The following ATP2C2 variants were observed in gnomAD, a reference collection of about 807,000 sequenced individuals.
The protein encoded by ATP2C2 is calcium-transporting ATPase type 2C member 2.
A neutral mutation model predicts 110.8 loss-of-function variants in ATP2C2; 171 were observed. That is an observed-to-expected ratio of 1.54 (90% CI 1.36 to 1.75). The LOEUF is 1.75. Ranked by LOEUF, ATP2C2 falls within the 40% of genes most tolerant of loss-of-function variation. The pLI, the probability that ATP2C2 is intolerant of heterozygous loss-of-function variation, is 0.00. For synonymous variants in ATP2C2, 804 were observed against 508.4 expected (o/e 1.58, Z -7.82); for missense variants, 1,963 against 1,235.0 (o/e 1.59, Z -8.84).
chr16:84,381,679 C>T (rs1423404143), intron 1 of ATP2C2, among the ~76,000 whole-genome samples: 1 of 152,222 alleles, frequency 6.6e-6, no homozygotes, highest in East Asian at 1.9e-4. Context: ...TCCATGCTTC[C>T]ATATTCCTGC....
At chr16:84,404,944 C>T (rs761349169) in intron 2 of ATP2C2, 184 bp from the exon 3 acceptor site, 2 of 697,964 alleles carry the variant, frequency 2.9e-6, no homozygotes, top group African/African-American at 3.5e-5. Context: ...CTGGCTTGTG[C>T]CTTTTCCTCC....
intron 24 of ATP2C2, chr16:84,461,146 C>A: frequency 6.3e-6 from 2 of 315,968 alleles, no homozygotes; most frequent in Non-Finnish European, 1.2e-5. Flanking sequence ...TCCTGTGTTA[C>A]ACTCTAGAGG....
intron 20 of ATP2C2, 83 bp from the exon 21 acceptor site, chr16:84,454,735 G>C: frequency 5.0e-6 from 7 of 1,410,352 alleles, no homozygotes; most frequent in Non-Finnish European, 6.6e-6. Context: ...AGAGGTGTCT[G>C]TGGCTGGCCA....
intron 14 of ATP2C2, among the ~76,000 whole-genome samples, chr16:84,442,127 A>G (rs566737322): frequency 1.1e-4 from 16 of 152,218 alleles, no homozygotes; most frequent in African/African-American, 3.4e-4. Flanking sequence ...TCTACCATGA[A>G]TTCACCCCGT....
At chr16:84,400,776 G>C (rs1905270124) in intron 2 of ATP2C2, among the ~76,000 whole-genome samples, 2 of 152,162 alleles carry the variant, frequency 1.3e-5, no homozygotes, top group South Asian at 4.1e-4. Context: ...ACTGTGATGA[G>C]ATGATACCTC....
At chr16:84,431,661 G>C (rs1194529794) in intron 11 of ATP2C2, among the ~76,000 whole-genome samples, 14 of 151,938 alleles carry the variant, frequency 9.2e-5, no homozygotes, top group African/African-American at 2.7e-4. Context: ...GGTCACTTGG[G>C]GGGGACCACA....
At chr16:84,414,230 G>T (rs1036502523) in intron 6 of ATP2C2, among the ~76,000 whole-genome samples, 1 of 152,194 alleles carries the variant, frequency 6.6e-6, no homozygotes, top group Admixed American at 6.5e-5. Context: ...AGAAAGTCCA[G>T]TTGCACAAAC....
chr16:84,429,456 G>C (rs536892773), intron 11 of ATP2C2, among the ~76,000 whole-genome samples: 1 of 152,072 alleles, frequency 6.6e-6, no homozygotes, highest in Non-Finnish European at 1.5e-5. Flanking sequence ...TCCAGCCTTC[G>C]TGGAGCTTTT....
chr16:84,440,854 C>T lies in ATP2C2; in HGVS notation c.1210-3C>T, dbSNP rs1043621325. 15 of 1,610,940 alleles carry T rather than the reference C, an allele frequency of 9.3e-6. No homozygotes were observed. Among genetic ancestry groups the T allele is most frequent in the Non-Finnish European group, 1.1e-5 (13 of 1,178,452 alleles). The stretch of plus-strand genomic sequence containing the variant: ...AAACCCTTTCTTCTGCCTCGCCCTG[C>T]AGGTCAGCGGAGTTGGGTATGACGG... On this transcript the variant is annotated splice_region_variant and splice_polypyrimidine_tract_variant and intron_variant, in intron 13 of 26. Transcript: ENST00000262429.
chr16:84,424,722 AG>A (rs1267973057), intron 10 of ATP2C2, among the ~76,000 whole-genome samples: 2 of 152,076 alleles, frequency 1.3e-5, no homozygotes, highest in African/African-American at 4.8e-5. Context: ...TCTAGAGGAA[AG>A]TAGCATTTGC....
chr16:84,445,371 G>A (rs1226702360), intron 15 of ATP2C2, among the ~76,000 whole-genome samples: 1 of 152,052 alleles, frequency 6.6e-6, no homozygotes, highest in Non-Finnish European at 1.5e-5. Flanking sequence ...ACCACGCCTG[G>A]CTAACTTTTT....
At chr16:84,431,562 A>C (rs546737972) in intron 11 of ATP2C2, among the ~76,000 whole-genome samples, 1 of 151,840 alleles carries the variant, frequency 6.6e-6, no homozygotes, top group Non-Finnish European at 1.5e-5. Context: ...TTATGGGTAG[A>C]GAGTTGAGGA....
chr16:84,412,370 G>GCA lies in ATP2C2; in HGVS notation c.515+1605_515+1606insCA, dbSNP rs1471309829. 5.6e-3 allele frequency among the ~76,000 whole-genome samples: 619 copies of GCA among 111,100 alleles called. 4 individuals carry two copies. The highest frequency in any genetic ancestry group is 0.01 in the Middle Eastern group (2 of 192). 72.9% of individuals were successfully genotyped at this position (111,100 alleles called of 152,430 possible). ...TGTCTGCGTGCGTGTGTGCATGTGT[G>GCA]TGTGCGTGTGTGTATATGTGTCTGT... On this transcript the variant is annotated intron_variant, in intron 6 of 26. Transcript: ENST00000262429.
intron 1 of ATP2C2, among the ~76,000 whole-genome samples, chr16:84,392,605 G>A (rs1273699621): frequency 6.6e-6 from 1 of 152,176 alleles, no homozygotes; most frequent in Non-Finnish European, 1.5e-5. Context: ...TGGGATTACA[G>A]GTGCCCGCCA....
intron 1 of ATP2C2, 143 bp from the exon 2 acceptor site, chr16:84,398,356 A>C: frequency 2.5e-6 from 1 of 396,532 alleles, no homozygotes. Flanking sequence ...TGGTGAGCTG[A>C]GATCATGACA....
chr16:84,400,331 TG>T (rs200282569), intron 2 of ATP2C2, among the ~76,000 whole-genome samples: 3,655 of 145,098 alleles, frequency 0.025, 179 homozygotes, highest in African/African-American at 0.077. Flanking sequence ...AGTTTTTTGT[TG>T]TTTTTTTTTT....
At chr16:84,460,457 C>T (rs765294293) in intron 23 of ATP2C2, 197 bp from the exon 24 acceptor site, 6 of 722,802 alleles carry the variant, frequency 8.3e-6, no homozygotes, top group Non-Finnish European at 9.6e-6. Flanking sequence ...TGGAGGGGCA[C>T]AGCTGCCCAT....
Position 84,419,238 on chromosome 16 carries a change from A to AAAAAAAAAT in ATP2C2, c.625-3152_625-3151insAAAAAAAAT, listed in dbSNP as rs1555559558. Among the ~76,000 whole-genome samples, 55 of 138,404 alleles carry AAAAAAAAAT rather than the reference A, an allele frequency of 4.0e-4. 2 individuals carry two copies. The highest frequency in any genetic ancestry group is 1.5e-3 in the African/African-American group (54 of 36,358). The allele number at this position is 138,404 out of a possible 152,430, so 90.8% of individuals were successfully genotyped here. A position where few individuals can be genotyped will look rare whatever the true frequency, so the allele number is the denominator to read the frequency against. ...AAAAAAAAAAAAAAAAAAAAAAAAA[A>AAAAAAAAAT]GTGCTACTGGGGCCATGCTCCTGCA... On this transcript the variant is annotated intron_variant, in intron 7 of 26. Transcript: ENST00000262429.
intron 11 of ATP2C2, among the ~76,000 whole-genome samples, chr16:84,428,564 AGAG>A (rs1907989007): frequency 6.6e-6 from 1 of 152,242 alleles, no homozygotes; most frequent in Admixed American, 6.5e-5. Context: ...AACATGGAAA[AGAG>A]GAGCTGGAAT....
Sources: allele counts gnomAD v4.1 joint callset (sites outside exome capture counted in the v4.1 genomes callset), GRCh38; gene constraint gnomAD v4.1.1; transcripts MANE v1.5; gene names NCBI Gene and HGNC (gene_info 2026-07-23, HGNC 2026-07-21).